The following WWP2 variants were observed in gnomAD, a reference collection of about 807,000 sequenced individuals.
The protein encoded by WWP2 is NEDD4-like E3 ubiquitin-protein ligase WWP2.
Under a neutral mutation model 121.0 loss-of-function variants are expected in WWP2, and 57 were observed. The ratio of observed to expected loss-of-function variants is 0.47; its 90% CI spans 0.38 to 0.59. WWP2 has a LOEUF of 0.59. Ranked by LOEUF, WWP2 falls within the 20% of genes least tolerant of loss-of-function variation. The pLI, the probability that WWP2 is intolerant of heterozygous loss-of-function variation, is 0.00. For missense variants in WWP2, 962 were observed against 1,158.9 expected (o/e 0.83, Z 2.47); for synonymous variants, 449 against 441.3 (o/e 1.02, Z -0.22).
chr16:69,850,195 G>A (rs765250865), intron 6 of WWP2, among the ~76,000 whole-genome samples: 64 of 152,092 alleles, frequency 4.2e-4, no homozygotes, highest in Non-Finnish European at 7.6e-4. Flanking sequence ...GACCATCCTG[G>A]CTAACACGGT....
intron 4 of WWP2, among the ~76,000 whole-genome samples, chr16:69,836,401 A>G (rs2056877379): frequency 6.6e-6 from 1 of 151,938 alleles, no homozygotes; most frequent in African/African-American, 2.4e-5. Flanking sequence ...TCCTCATGGT[A>G]TCATTTAATG....
At chr16:69,804,825 C>T (rs2056242843) in intron 4 of WWP2, among the ~76,000 whole-genome samples, 1 of 152,052 alleles carries the variant, frequency 6.6e-6, no homozygotes, top group African/African-American at 2.4e-5. Flanking sequence ...TGGAATGTTT[C>T]TAAATTAATT....
At chr16:69,930,003 G>A in intron 12 of WWP2, 127 bp from the exon 13 acceptor site, 7 of 1,395,252 alleles carry the variant, frequency 5.0e-6, no homozygotes, top group South Asian at 1.3e-5. Context: ...ATGCTTCTTG[G>A]GTGCATGTCC....
At chr16:69,836,452 G>A (rs142496008) in intron 4 of WWP2, among the ~76,000 whole-genome samples, 4 of 152,070 alleles carry the variant, frequency 2.6e-5, no homozygotes, top group African/African-American at 9.6e-5. Context: ...TGTGGCATCA[G>A]GTTGCCTTGC....
At chr16:69,911,423 G>C (rs1019134300) in intron 9 of WWP2, among the ~76,000 whole-genome samples, 8 of 152,218 alleles carry the variant, frequency 5.3e-5, no homozygotes, top group African/African-American at 1.2e-4. Flanking sequence ...ATCCAGGTTG[G>C]GGGGACAGTG....
At chr16:69,927,450 T>G (rs1259666693) in intron 11 of WWP2, among the ~76,000 whole-genome samples, 1 of 151,970 alleles carries the variant, frequency 6.6e-6, no homozygotes, top group East Asian at 1.9e-4. Context: ...TGGCTGAATA[T>G]GTCTGAGTCC....
chr16:69,875,002 A>T (rs1250438273), intron 7 of WWP2, among the ~76,000 whole-genome samples: 3 of 143,946 alleles, frequency 2.1e-5, no homozygotes, highest in African/African-American at 8.0e-5. Flanking sequence ...AGCCTGGGCA[A>T]CAGAGTGAGA....
chr16:69,789,003 G>A (rs531523198), intron 2 of WWP2, among the ~76,000 whole-genome samples: 1 of 152,198 alleles, frequency 6.6e-6, no homozygotes, highest in Admixed American at 6.5e-5. Flanking sequence ...TTTTTGAAAT[G>A]CAAATGTTAT....
At chr16:69,820,546 C>A (rs1218369479) in intron 4 of WWP2, among the ~76,000 whole-genome samples, 1 of 128,704 alleles carries the variant, frequency 7.8e-6, no homozygotes, top group Non-Finnish European at 1.8e-5. Context: ...TCTTGGCCCC[C>A]TGTCTCTTAA....
intron 4 of WWP2, among the ~76,000 whole-genome samples, chr16:69,831,401 G>T (rs962817529): frequency 6.6e-6 from 1 of 152,142 alleles, no homozygotes; most frequent in African/African-American, 2.4e-5. Flanking sequence ...TCTGGATTTT[G>T]TAACGGAATT....
chr16:69,939,747 G>A (rs1327379240), intron 23 of WWP2, 94 bp from the exon 24 acceptor site: 5 of 1,177,252 alleles, frequency 4.2e-6, no homozygotes, highest in East Asian at 5.0e-5. Context: ...CCAGTGTGGT[G>A]CAAGCCCTGT....
At chr16:69,852,711 ATATT>A (rs1379980083) in intron 6 of WWP2, among the ~76,000 whole-genome samples, 1 of 152,068 alleles carries the variant, frequency 6.6e-6, no homozygotes, top group African/African-American at 2.4e-5. Flanking sequence ...CATTTTTTGT[ATATT>A]TTGGATAGCA....
chr16:69,835,058 G>A (rs921673765), intron 4 of WWP2, among the ~76,000 whole-genome samples: 6 of 152,140 alleles, frequency 3.9e-5, no homozygotes, highest in African/African-American at 1.4e-4. Context: ...AGGGGAGCTT[G>A]TGAGCTTCCT....
intron 8 of WWP2, among the ~76,000 whole-genome samples, chr16:69,890,620 C>T (rs1338707687): frequency 6.6e-6 from 1 of 152,166 alleles, no homozygotes; most frequent in Non-Finnish European, 1.5e-5. Flanking sequence ...TGTTTGTTTT[C>T]TTTCCGCTGA....
At chr16:69,806,041 TA>T (rs1295778248) in intron 4 of WWP2, among the ~76,000 whole-genome samples, 4 of 149,216 alleles carry the variant, frequency 2.7e-5, no homozygotes, top group African/African-American at 2.4e-5. Flanking sequence ...TACTAAAAAT[TA>T]AAAAAAAAAT....
At chr16:69,846,070 A>AAAAAAAAAAAAAAAAAAAG (rs58504050) in intron 6 of WWP2, among the ~76,000 whole-genome samples, 21 of 149,752 alleles carry the variant, frequency 1.4e-4, no homozygotes, top group African/African-American at 4.9e-4. Flanking sequence ...AAAAAAAAAA[A>AAAAAAAAAAAAAAAAAAAG]GAATACTTAT....
chr16:69,931,619 C>T, intron 15 of WWP2, 39 bp downstream of exon 15: 1 of 1,612,544 alleles, frequency 6.2e-7, no homozygotes, highest in Non-Finnish European at 8.5e-7. Context: ...CAGGCCGACG[C>T]CCTCCTCCCA....
intron 1 of WWP2, among the ~76,000 whole-genome samples, chr16:69,764,290 G>T (rs188253437): frequency 7.9e-4 from 120 of 152,282 alleles, no homozygotes; most frequent in African/African-American, 2.7e-3. Context: ...ACCTTGACCT[G>T]CCTGGGCTCG....
chr16:69,882,562 C>G (rs1051229962), intron 7 of WWP2, among the ~76,000 whole-genome samples: 2 of 152,172 alleles, frequency 1.3e-5, no homozygotes, highest in Non-Finnish European at 2.9e-5. Flanking sequence ...GTCAAAACAG[C>G]ATGTCACAGG....
Sources: gnomAD v4.1 joint callset for allele counts (sites outside exome capture counted in the v4.1 genomes callset) on GRCh38, gnomAD v4.1.1 for gene constraint, MANE v1.5 for transcripts, NCBI Gene and HGNC (gene_info 2026-07-23, HGNC 2026-07-21) for gene names.